PDE1C: variants seen among roughly 807,000 people sequenced by gnomAD.
PDE1C encodes the protein phosphodiesterase 1C, also known as dual specificity calcium/calmodulin-dependent 3',5'-cyclic nucleotide phosphodiesterase 1C.
A neutral mutation model predicts 93.1 loss-of-function variants in PDE1C; 62 were observed. The observed-to-expected ratio is 0.67, with a 90% confidence interval of 0.54 to 0.82. The LOEUF (loss-of-function observed/expected upper bound fraction) is 0.82, where lower values mean the gene tolerates loss of function less well. Ranked by LOEUF, PDE1C falls within the 40% of genes least tolerant of loss-of-function variation. The pLI, the probability that PDE1C is intolerant of heterozygous loss-of-function variation, is 0.00. For synonymous variants in PDE1C, 325 were observed against 310.1 expected (o/e 1.05, Z -0.50); for missense variants, 742 against 884.6 (o/e 0.84, Z 2.04).
chr7:31,965,646 C>A (rs1028801105), intron 2 of PDE1C, among the ~76,000 whole-genome samples: 2 of 152,094 alleles, frequency 1.3e-5, no homozygotes, highest in African/African-American at 2.4e-5. Flanking sequence ...AATTCCAAGA[C>A]ACATAATTGT....
At chr7:32,103,877 T>C in intron 3 of PDE1C, among the ~76,000 whole-genome samples, 1 of 151,626 alleles carries the variant, frequency 6.6e-6, no homozygotes, top group East Asian at 1.9e-4. Context: ...ACCCAAATAA[T>C]AGGAGAAGAG....
intron 1 of PDE1C, among the ~76,000 whole-genome samples, chr7:32,414,829 A>AT (rs765983634): frequency 1.3e-3 from 114 of 86,942 alleles, no homozygotes; most frequent in Non-Finnish European, 2.3e-3. Flanking sequence ...GATGCCAATG[A>AT]TAAAAAAAAA....
intron 1 of PDE1C, among the ~76,000 whole-genome samples, chr7:32,243,608 G>A (rs866987075): frequency 9.2e-5 from 14 of 152,174 alleles, no homozygotes; most frequent in African/African-American, 3.1e-4. Flanking sequence ...GGTTGGAGTC[G>A]GAGGTGGTGA....
upstream of PDE1C, chr7:32,071,131 G>A (rs1047169012): frequency 1.0e-5 from 10 of 985,416 alleles, no homozygotes; most frequent in African/African-American, 1.0e-4. Flanking sequence ...GACCCCGGCC[G>A]GGCACACTCA....
intron 2 of PDE1C, among the ~76,000 whole-genome samples, chr7:31,997,352 A>C (rs1300037146): frequency 6.6e-6 from 1 of 152,214 alleles, no homozygotes; most frequent in Non-Finnish European, 1.5e-5. Flanking sequence ...GTAGATGCTT[A>C]AGAAATGTTG....
intron 3 of PDE1C, among the ~76,000 whole-genome samples, chr7:32,163,965 G>A (rs919317823): frequency 4.6e-5 from 7 of 152,306 alleles, no homozygotes; most frequent in Non-Finnish European, 7.3e-5. Flanking sequence ...AGCCCCCAAA[G>A]CCCATTATTT....
intron 1 of PDE1C, among the ~76,000 whole-genome samples, chr7:32,329,593 G>T (rs1467239716): frequency 6.6e-6 from 1 of 152,096 alleles, no homozygotes; most frequent in Non-Finnish European, 1.5e-5. Context: ...AAAGTTTGCG[G>T]GAGTATTTTT....
the PDE1C span, among the ~76,000 whole-genome samples, chr7:31,648,714 T>C: frequency 6.6e-6 from 1 of 152,324 alleles, no homozygotes; most frequent in East Asian, 1.9e-4. Flanking sequence ...TTGAAGTGAA[T>C]TTGAACCAGT....
chr7:32,389,847 T>G (rs1215841240), intron 1 of PDE1C, among the ~76,000 whole-genome samples: 1 of 152,214 alleles, frequency 6.6e-6, no homozygotes, highest in African/African-American at 2.4e-5. Flanking sequence ...AGCCTCAAAA[T>G]TTTTGAAAAA....
At chr7:32,138,363 T>A (rs946827974) in intron 3 of PDE1C, among the ~76,000 whole-genome samples, 1 of 152,192 alleles carries the variant, frequency 6.6e-6, no homozygotes, top group Non-Finnish European at 1.5e-5. Context: ...GATATTCCAA[T>A]ATGAGATCCT....
At chr7:32,021,564 C>T (rs1452721371) in intron 2 of PDE1C, among the ~76,000 whole-genome samples, 3 of 152,120 alleles carry the variant, frequency 2.0e-5, no homozygotes, top group Non-Finnish European at 4.4e-5. Context: ...AAACGAAATA[C>T]TTATTCTGTA....
rs564097509 is a variant in PDE1C at position 31,817,613 on chromosome 7, G to GTAT, written c.1583-1462_1583-1460dup. 9.1e-4 allele frequency among the ~76,000 whole-genome samples: 139 copies of GTAT among 152,226 alleles called. 2 individuals are homozygous for GTAT. Among genetic ancestry groups the GTAT allele is most frequent in the African/African-American group, 3.2e-3 (131 of 41,540 alleles). On this transcript the variant is annotated intron_variant, in intron 14 of 17. Transcript: ENST00000396191. ...GTGCCATCAACTTCCACTGGGAAAA[G>GTAT]TATTATTACATTTTTCTCTACATGT...
Position 32,254,698 on chromosome 7 carries a change from T to C in PDE1C, c.85+43953A>G, listed in dbSNP as rs961298659. Among the ~76,000 whole-genome samples, 4 of 152,198 alleles carry C rather than the reference T, an allele frequency of 2.6e-5. No individual in the cohort carries two copies. In the East Asian group the frequency reaches 7.7e-4, roughly 29 times the overall value. On this transcript the variant is annotated intron_variant, in intron 1 of 18. Coordinates refer to the PDE1C transcript ENST00000396193. ...TCTGTGTGTGTCATGTATGTGTATA[T>C]GCATGTGTGTATATGAATGTGTACA...
chr7:32,427,058 G>A (rs901444723), intron 1 of PDE1C, among the ~76,000 whole-genome samples: 2 of 152,132 alleles, frequency 1.3e-5, no homozygotes, highest in African/African-American at 4.8e-5. Context: ...GATCTGCCCC[G>A]ACGAAATGGA....
chr7:32,093,761 C>T (rs529698899), intron 3 of PDE1C, among the ~76,000 whole-genome samples: 1 of 152,322 alleles, frequency 6.6e-6, no homozygotes, highest in Non-Finnish European at 1.5e-5. Context: ...TTGCCATGGA[C>T]CCTGTGGCTT....
At chr7:31,732,380 T>A in the PDE1C span, among the ~76,000 whole-genome samples, 1 of 151,196 alleles carries the variant, frequency 6.6e-6, no homozygotes, top group Non-Finnish European at 1.5e-5. Flanking sequence ...GATTTTTTTT[T>A]AGAAGTAAGT....
chr7:32,128,954 A>ATATATATATATAT (rs58719690), intron 3 of PDE1C, among the ~76,000 whole-genome samples: 11 of 79,018 alleles, frequency 1.4e-4, no homozygotes, highest in African/African-American at 5.8e-4. Context: ...TATATATATA[A>ATATATATATATAT]AGAAAAATCT....
At chr7:32,168,421 C>T (rs972632144) in intron 3 of PDE1C, among the ~76,000 whole-genome samples, 1 of 152,154 alleles carries the variant, frequency 6.6e-6, no homozygotes, top group African/African-American at 2.4e-5. Context: ...ATGAGAGTAA[C>T]TCTTTGCCTG....
chr7:31,730,145 G>A, the PDE1C span, among the ~76,000 whole-genome samples: 1 of 152,108 alleles, frequency 6.6e-6, no homozygotes, highest in Non-Finnish European at 1.5e-5. Context: ...TTGGTTTACC[G>A]TCCTTTCCCA....
Sources: gnomAD v4.1 joint callset for allele counts (sites outside exome capture counted in the v4.1 genomes callset) on GRCh38, gnomAD v4.1.1 for gene constraint, MANE v1.5 for transcripts, NCBI Gene and HGNC (gene_info 2026-07-23, HGNC 2026-07-21) for gene names.